The following TNIP3 variants were observed in gnomAD, a reference collection of about 807,000 sequenced individuals.
TNIP3 encodes the protein TNFAIP3-interacting protein 3.
A neutral mutation model predicts 54.1 loss-of-function variants in TNIP3; 34 were observed. The observed-to-expected ratio is 0.63, with a 90% CI of 0.48 to 0.84. TNIP3 has a LOEUF of 0.84. Among genes scored for constraint, TNIP3 ranks in the 40% least tolerant of loss-of-function variants. The pLI, the probability that TNIP3 is intolerant of heterozygous loss-of-function variation, is 0.00. For synonymous variants in TNIP3, 134 were observed against 136.8 expected, an observed-to-expected ratio of 0.98 and a Z score of 0.14; for missense variants, 366 against 387.6, an observed-to-expected ratio of 0.94 and a Z score of 0.47.
At chr4:121,183,317 A>G (rs1016528531) in intron 2 of TNIP3, among the ~76,000 whole-genome samples, 1 of 152,190 alleles carries the variant, frequency 6.6e-6, no homozygotes, top group African/African-American at 2.4e-5. Flanking sequence ...ACAAATCCCT[A>G]AGCAGCTACT....
intron 2 of TNIP3, among the ~76,000 whole-genome samples, chr4:121,215,946 G>A (rs1174881305): frequency 1.3e-5 from 2 of 150,896 alleles, no homozygotes; most frequent in East Asian, 1.9e-4. Flanking sequence ...AACTTTGAAA[G>A]ATTGATAGAA....
At chr4:121,165,040 C>T (rs1210263061), upstream of TNIP3, among the ~76,000 whole-genome samples, 1 of 151,806 alleles carries the variant, frequency 6.6e-6, no homozygotes, top group Non-Finnish European at 1.5e-5. Flanking sequence ...CAGAAGACCT[C>T]ATTTTGGACT....
chr4:121,168,342 G>A (rs180992694), upstream of TNIP3, among the ~76,000 whole-genome samples: 14 of 151,494 alleles, frequency 9.2e-5, no homozygotes, highest in Non-Finnish European at 1.6e-4. Context: ...AAGTAGCAGG[G>A]ATTACAGGCA....
intron 2 of TNIP3, chr4:121,216,305 C>G: frequency 1.1e-6 from 1 of 907,712 alleles, no homozygotes; most frequent in Non-Finnish European, 1.6e-6. Context: ...TAGCTCCATT[C>G]AGACAGCTTC....
At chr4:121,179,919 G>C (rs1385798301) in intron 3 of TNIP3, among the ~76,000 whole-genome samples, 2 of 152,120 alleles carry the variant, frequency 1.3e-5, no homozygotes, top group Admixed American at 1.3e-4. Context: ...AGCACTCCAT[G>C]TTTAGTAAGT....
intron 9 of TNIP3, among the ~76,000 whole-genome samples, chr4:121,139,215 G>A (rs1322326092): frequency 6.6e-6 from 1 of 152,176 alleles, no homozygotes; most frequent in Non-Finnish European, 1.5e-5. Flanking sequence ...GTGAAGAACC[G>A]ATCCAGCAGA....
chr4:121,158,232 C>T (rs936499759), intron 3 of TNIP3, among the ~76,000 whole-genome samples: 3 of 152,188 alleles, frequency 2.0e-5, no homozygotes, highest in Non-Finnish European at 2.9e-5. Context: ...TCCATTTTTA[C>T]TCACATTTTC....
At chr4:121,174,586 G>A (rs1300024425) in intron 3 of TNIP3, among the ~76,000 whole-genome samples, 1 of 151,846 alleles carries the variant, frequency 6.6e-6, no homozygotes, top group Admixed American at 6.6e-5. Flanking sequence ...CAATATGCTA[G>A]CCTAAAAAAT....
upstream of TNIP3, among the ~76,000 whole-genome samples, chr4:121,221,538 C>T (rs1007865271): frequency 6.6e-6 from 1 of 152,172 alleles, no homozygotes; most frequent in Non-Finnish European, 1.5e-5. Context: ...ATATGTTACA[C>T]ATTTTAATTC....
chr4:121,201,343 G>A (rs1166840378), intron 2 of TNIP3, among the ~76,000 whole-genome samples: 1 of 152,160 alleles, frequency 6.6e-6, no homozygotes, highest in Non-Finnish European at 1.5e-5. Flanking sequence ...CAAAGCAGCA[G>A]GGTCCAGAGT....
Position 121,138,836 on chromosome 4 carries a change from AC to A in TNIP3, c.886-153del, listed in dbSNP as rs940663738. On this transcript the variant is annotated intron_variant, in intron 9 of 10. Transcript: ENST00000057513. Reference sequence around the variant, plus strand: ...ATTGCCAACCTCACTCATCCTGCTTACCCCCCATCACTGCCATCATCTCTCC... The same window carrying A: ...ATTGCCAACCTCACTCATCCTGCTTACCCCCATCACTGCCATCATCTCTCC... 1.3e-5 allele frequency: 9 copies of A among 682,540 alleles called. No individual in the cohort carries two copies. In the African/African-American group the frequency reaches 1.4e-4, roughly 11 times the overall value. 42.3% of individuals were successfully genotyped at this position (682,540 alleles called of 1,614,324 possible).
At chr4:121,186,428 A>G (rs147145626) in intron 2 of TNIP3, among the ~76,000 whole-genome samples, 2 of 152,314 alleles carry the variant, frequency 1.3e-5, no homozygotes, top group East Asian at 1.9e-4. Context: ...CACTGTCACT[A>G]TAATGAATAT....
At chr4:121,141,700 T>C in intron 9 of TNIP3, 116 bp downstream of exon 9, 1 of 645,228 alleles carries the variant, frequency 1.5e-6, no homozygotes, top group Non-Finnish European at 2.4e-6. Flanking sequence ...AGTTAGAGGC[T>C]GAGAGAAAAC....
chr4:121,132,213 AAC>A lies in TNIP3; in HGVS notation c.*416_*417del, dbSNP rs10561132. The A allele has an allele frequency of 0.024, 3,488 of 146,774 alleles. 55 individuals are homozygous for A. The highest frequency in any genetic ancestry group is 0.055 in the East Asian group (272 of 4,938). The allele number at this position is 146,774 out of a possible 1,614,324, so 9.1% of individuals were successfully genotyped here. On this transcript the variant is annotated 3_prime_UTR_variant, in exon 11 of 11. Coordinates refer to ENST00000057513, the MANE Select transcript of TNIP3 (RefSeq NM_024873.6). ...AACTGCAGAAATTTTTACCCCAGGA[AAC>A]ACACACACACACACACACACACACA... is the stretch of plus-strand genomic sequence containing the variant.
At chr4:121,205,569 G>T (rs13116723) in intron 2 of TNIP3, among the ~76,000 whole-genome samples, 24,030 of 152,082 alleles carry the variant, frequency 0.16, 2,136 homozygotes, top group Middle Eastern at 0.24. Context: ...CATATGTAAA[G>T]GTACTGAGAC....
chr4:121,144,458 G>C (rs1729313192), intron 7 of TNIP3, among the ~76,000 whole-genome samples: 1 of 152,162 alleles, frequency 6.6e-6, no homozygotes, highest in Non-Finnish European at 1.5e-5. Context: ...CTGGAATGCA[G>C]TGGCCCAATC....
chr4:121,198,782 AAGAC>A (rs1198790406), intron 2 of TNIP3, among the ~76,000 whole-genome samples: 1 of 152,246 alleles, frequency 6.6e-6, no homozygotes, highest in African/African-American at 2.4e-5. Flanking sequence ...TATAAGTTCA[AAGAC>A]AGTGTTAACA....
intron 10 of TNIP3, chr4:121,137,830 T>A (rs564529668): frequency 2.5e-6 from 1 of 397,582 alleles, no homozygotes; most frequent in African/African-American, 2.1e-5. Flanking sequence ...CTTTGGAAAT[T>A]AACAAGTTAG....
At chr4:121,206,707 G>T (rs756473416) in intron 2 of TNIP3, among the ~76,000 whole-genome samples, 3 of 152,024 alleles carry the variant, frequency 2.0e-5, no homozygotes, top group Admixed American at 1.3e-4. Context: ...GACTACAGGT[G>T]CATGTCACCA....
Sources: gnomAD v4.1 joint callset for allele counts (sites outside exome capture counted in the v4.1 genomes callset) on GRCh38, gnomAD v4.1.1 for gene constraint, MANE v1.5 for transcripts, NCBI Gene and HGNC (gene_info 2026-07-23, HGNC 2026-07-21) for gene names.